The following TMEM132B variants were observed in gnomAD, a reference collection of about 807,000 sequenced individuals.
The protein encoded by TMEM132B is transmembrane protein 132B.
Under a neutral mutation model 90.8 loss-of-function variants are expected in TMEM132B, and 18 were observed. That is an observed-to-expected ratio of 0.20 (90% confidence interval 0.14 to 0.29). TMEM132B has a LOEUF of 0.29. Among genes scored for constraint, TMEM132B ranks in the 10% least tolerant of loss-of-function variants. The pLI, the probability that TMEM132B is intolerant of heterozygous loss-of-function variation, is 1.00. For missense variants in TMEM132B, 1,096 were observed against 1,326.8 expected (o/e 0.83, Z 2.70); for synonymous variants, 504 against 523.3 (o/e 0.96, Z 0.50).
At chr12:125,568,298 G>A (rs1415993873) in intron 4 of TMEM132B, among the ~76,000 whole-genome samples, 1 of 152,078 alleles carries the variant, frequency 6.6e-6, no homozygotes, top group Non-Finnish European at 1.5e-5. Context: ...TGGGGTACAT[G>A]AGATGTTTTG....
chr12:125,363,375 G>A (rs76218212), intron 2 of TMEM132B, among the ~76,000 whole-genome samples: 5,992 of 152,184 alleles, frequency 0.039, 169 homozygotes, highest in Non-Finnish European at 0.057. Context: ...GGTAAAGAAG[G>A]AAGCTGCCTG....
intron 3 of TMEM132B, among the ~76,000 whole-genome samples, chr12:125,501,030 G>A (rs943050172): frequency 2.6e-5 from 4 of 152,186 alleles, no homozygotes; most frequent in African/African-American, 9.6e-5. Flanking sequence ...GTCAGCTTTT[G>A]TCAGATCGAA....
intron 1 of TMEM132B, among the ~76,000 whole-genome samples, chr12:125,240,336 A>T (rs750208255): frequency 1.9e-4 from 29 of 152,242 alleles, no homozygotes; most frequent in Non-Finnish European, 3.7e-4. Flanking sequence ...CCCTCACAGA[A>T]GTGCTATTTG....
intron 5 of TMEM132B, among the ~76,000 whole-genome samples, chr12:125,627,359 C>G (rs1886258063): frequency 1.3e-5 from 2 of 151,786 alleles, no homozygotes; most frequent in South Asian, 4.2e-4. Flanking sequence ...ATGCTTTGTA[C>G]TTTTCATTTA....
intron 1 of TMEM132B, among the ~76,000 whole-genome samples, chr12:125,289,372 G>A (rs1018650539): frequency 2.6e-5 from 4 of 151,908 alleles, no homozygotes; most frequent in Non-Finnish European, 4.4e-5. Flanking sequence ...TTCTTTAATC[G>A]GCACAAGAAC....
In TMEM132B at chr12:125,277,393, C is replaced by T. The variant is rs982611857; in HGVS notation, c.68-72059C>T. Among the ~76,000 whole-genome samples, 36 of 151,782 alleles carry T rather than the reference C, an allele frequency of 2.4e-4. No individual in the cohort carries two copies. The highest frequency in any genetic ancestry group is 7.7e-4 in the African/African-American group (32 of 41,292). On this transcript the variant is annotated intron_variant, in intron 1 of 8. Coordinates refer to ENST00000682704, the MANE Select transcript of TMEM132B (RefSeq NM_001366854.1). The surrounding 1 kb of genome is among the most constrained non-coding windows in gnomAD (Gnocchi z 4.3). ...ACTCAGGAGGCTGAGGCTGGAGAAT[C>T]GCTTGAACCTGGGAGGCGGAGGTTG...
chr12:125,551,695 T>C (rs1884234215), intron 4 of TMEM132B, among the ~76,000 whole-genome samples: 1 of 152,128 alleles, frequency 6.6e-6, no homozygotes, highest in Non-Finnish European at 1.5e-5. Context: ...TAAAATATCC[T>C]CAAGTTCAGT....
rs563684216 is a variant in TMEM132B, at chr12:125,526,017, G to A, written c.1293+6392G>A. ...CTATTCCTGCTTTCTGTCCCTGAGCGTGACTGTGTAAGGAGTGGGAGGTGT... is the reference window on the plus strand; with the variant it reads ...CTATTCCTGCTTTCTGTCCCTGAGCATGACTGTGTAAGGAGTGGGAGGTGT... On this transcript the variant is annotated intron_variant, in intron 4 of 8. Coordinates refer to ENST00000682704, the MANE Select transcript of TMEM132B (RefSeq NM_001366854.1). 4.9e-4 allele frequency among the ~76,000 whole-genome samples: 75 copies of A among 152,288 alleles called. 1 individual carries two copies. In the Middle Eastern group the frequency reaches 0.027, roughly 55 times the overall value.
intron 3 of TMEM132B, among the ~76,000 whole-genome samples, chr12:125,514,684 T>C (rs1883062635): frequency 6.6e-6 from 1 of 152,188 alleles, no homozygotes; most frequent in African/African-American, 2.4e-5. Context: ...GGAGAACAGT[T>C]CAAGCTTTCG....
chr12:125,237,997 C>T (rs1328447645), intron 1 of TMEM132B, among the ~76,000 whole-genome samples: 1 of 152,184 alleles, frequency 6.6e-6, no homozygotes, highest in African/African-American at 2.4e-5. Context: ...TAGTGTATGT[C>T]ACCAGAGAAG....
chr12:125,299,553 G>A (rs1875763691), intron 1 of TMEM132B, among the ~76,000 whole-genome samples: 1 of 152,188 alleles, frequency 6.6e-6, no homozygotes, highest in African/African-American at 2.4e-5. Flanking sequence ...GCTCCCTAGA[G>A]CCTTCAGGAG....
At chr12:125,198,630 C>T (rs933114609) in intron 1 of TMEM132B, among the ~76,000 whole-genome samples, 1 of 152,334 alleles carries the variant, frequency 6.6e-6, no homozygotes, top group Admixed American at 6.5e-5. Context: ...GTCCGAAGCT[C>T]ATTTCTGGAA....
intron 1 of TMEM132B, among the ~76,000 whole-genome samples, chr12:125,321,082 G>T (rs567198468): frequency 1.3e-5 from 2 of 152,350 alleles, no homozygotes; most frequent in African/African-American, 4.8e-5. Context: ...CATTGGTCTT[G>T]CCTGTCTAAA....
intron 1 of TMEM132B, among the ~76,000 whole-genome samples, chr12:125,228,900 C>G (rs1873747553): frequency 6.6e-6 from 1 of 152,186 alleles, no homozygotes; most frequent in Non-Finnish European, 1.5e-5. Context: ...ACTGGGGCTT[C>G]TTTGACTAAT....
chr12:125,638,185 C>T (rs915392950), intron 5 of TMEM132B, among the ~76,000 whole-genome samples: 2 of 152,172 alleles, frequency 1.3e-5, no homozygotes, highest in Admixed American at 1.3e-4. Context: ...CTCTGCCTTT[C>T]ACCAGCTGTG....
intron 3 of TMEM132B, among the ~76,000 whole-genome samples, chr12:125,418,274 G>T (rs906813803): frequency 6.6e-6 from 1 of 151,806 alleles, no homozygotes; most frequent in Non-Finnish European, 1.5e-5. Context: ...AAAAAAAAAG[G>T]TTACAGGGGA....
chr12:125,325,124 A>G (rs1030891771), intron 1 of TMEM132B, among the ~76,000 whole-genome samples: 5 of 152,216 alleles, frequency 3.3e-5, no homozygotes, highest in African/African-American at 1.2e-4. Context: ...TGCAAATTGA[A>G]TAAGTCATGC....
intron 1 of TMEM132B, among the ~76,000 whole-genome samples, chr12:125,194,271 T>TG (rs1001934439): frequency 3.4e-5 from 5 of 148,654 alleles, no homozygotes; most frequent in Admixed American, 6.7e-5. Flanking sequence ...AACCCGTTGG[T>TG]GGGGGGGTCT....
At chr12:125,431,098 C>G (rs1446243760) in intron 3 of TMEM132B, among the ~76,000 whole-genome samples, 2 of 152,158 alleles carry the variant, frequency 1.3e-5, no homozygotes, top group Non-Finnish European at 2.9e-5. Context: ...TTCATAGGCT[C>G]TGAAAAGACT....
Sources: gnomAD v4.1 joint callset for allele counts (sites outside exome capture counted in the v4.1 genomes callset) on GRCh38, gnomAD v4.1.1 for gene constraint, Gnocchi (gnomAD v3.1) non-coding constraint, MANE v1.5 for transcripts, NCBI Gene and HGNC (gene_info 2026-07-23, HGNC 2026-07-21) for gene names.